Variants in MICU1 observed in about 807,000 individuals in gnomAD.
MICU1 encodes calcium uptake protein 1, mitochondrial.
MICU1 carries 45 observed loss-of-function variants against 56.8 expected under a neutral mutation model. That is an observed-to-expected ratio of 0.79 (90% CI 0.62 to 1.02). The LOEUF (loss-of-function observed/expected upper bound fraction) is 1.02. MICU1 is among the 50% of genes least tolerant of loss of function. The pLI is 0.00. For missense variants in MICU1, 504 were observed against 587.1 expected, an observed-to-expected ratio of 0.86 and a Z score of 1.46; for synonymous variants, 186 against 195.1, an observed-to-expected ratio of 0.95 and a Z score of 0.39.
chr10:72,462,949 A>G (rs562039964), intron 8 of MICU1, among the ~76,000 whole-genome samples: 22 of 152,358 alleles, frequency 1.4e-4, no homozygotes, highest in Admixed American at 1.4e-3. Context: ...ATATCTGATA[A>G]CAGGAAAATC....
intron 1 of MICU1, among the ~76,000 whole-genome samples, chr10:72,575,765 C>T (rs1242286961): frequency 2.0e-5 from 3 of 152,154 alleles, no homozygotes; most frequent in Non-Finnish European, 2.9e-5. Flanking sequence ...TTCACTCACC[C>T]GTCATTTCCC....
At chr10:72,546,469 ATTTTCTGTCCATCACTTACCT>A (rs1203653436) in intron 4 of MICU1, among the ~76,000 whole-genome samples, 11 of 151,860 alleles carry the variant, frequency 7.2e-5, no homozygotes, top group Non-Finnish European at 8.8e-5. Flanking sequence ...TCTTACTTCC[ATTTTCTGTCCATCACTTACCT>A]TTTTCTGTCC....
intron 6 of MICU1, among the ~76,000 whole-genome samples, chr10:72,494,332 T>G (rs1866764939): frequency 6.6e-6 from 1 of 152,206 alleles, no homozygotes; most frequent in South Asian, 2.1e-4. Context: ...GCAGTTAAGC[T>G]GCAGTTTCTG....
intron 4 of MICU1, among the ~76,000 whole-genome samples, chr10:72,537,632 G>C (rs1015462118): frequency 3.3e-5 from 5 of 152,130 alleles, no homozygotes; most frequent in African/African-American, 1.2e-4. Flanking sequence ...AGAAAGCCAA[G>C]GCTCAGAAGG....
rs1212041142 is a variant in MICU1, at chr10:72,557,949, TC to T, written c.330+4945del. Among the ~76,000 whole-genome samples the T allele has an allele frequency of 2.6e-5, 4 of 152,196 alleles. No individual in the cohort carries two copies. The East Asian group carries it at 7.7e-4, about 29-fold the overall frequency. ...ATCTTTTAATATTCGTGTTTTCCTA[TC>T]AATCAGTTTAAAATTACAACAAATT... On this transcript the variant is annotated intron_variant, in intron 3 of 11. Transcript: ENST00000361114.
At chr10:72,573,847 TC>T (rs1314785908) in intron 1 of MICU1, among the ~76,000 whole-genome samples, 2 of 152,152 alleles carry the variant, frequency 1.3e-5, no homozygotes, top group East Asian at 1.9e-4. Flanking sequence ...GTCTCAACAA[TC>T]AAGGCACATT....
chr10:72,585,188 G>A (rs188900700), intron 1 of MICU1, among the ~76,000 whole-genome samples: 9 of 151,316 alleles, frequency 5.9e-5, no homozygotes, highest in East Asian at 5.9e-4. Flanking sequence ...CCCGGTTCAA[G>A]CGATTCTCAC....
intron 6 of MICU1, among the ~76,000 whole-genome samples, chr10:72,491,178 G>A (rs765604792): frequency 2.0e-5 from 3 of 152,210 alleles, no homozygotes; most frequent in Admixed American, 1.3e-4. Flanking sequence ...TGGGTGCTGA[G>A]ACAAGTTGGA....
chr10:72,480,876 T>A (rs114306496), intron 6 of MICU1, among the ~76,000 whole-genome samples: 57 of 152,360 alleles, frequency 3.7e-4, no homozygotes, highest in African/African-American at 1.3e-3. Context: ...TATCACCTCC[T>A]ACAACTAAGG....
At chr10:72,513,444 A>G (rs768431200) in intron 5 of MICU1, among the ~76,000 whole-genome samples, 3 of 152,178 alleles carry the variant, frequency 2.0e-5, no homozygotes, top group Admixed American at 6.5e-5. Context: ...AGTTCTTTAT[A>G]TATTCTGGAT....
chr10:72,401,993 TA>T (rs113287469), intron 10 of MICU1, among the ~76,000 whole-genome samples: 2 of 151,190 alleles, frequency 1.3e-5, no homozygotes, highest in African/African-American at 2.4e-5. Context: ...AGGAATCCGC[TA>T]AAAAAAAATT....
intron 4 of MICU1, among the ~76,000 whole-genome samples, chr10:72,540,491 C>G (rs1030660907): frequency 1.3e-5 from 2 of 151,662 alleles, no homozygotes; most frequent in Non-Finnish European, 2.9e-5. Flanking sequence ...CTGGGAAACA[C>G]AGTGAGACAC....
chr10:72,461,333 A>C (rs1865632485), intron 8 of MICU1, among the ~76,000 whole-genome samples: 1 of 152,188 alleles, frequency 6.6e-6, no homozygotes, highest in East Asian at 1.9e-4. Context: ...TGTAACAAAG[A>C]GCAAATGAAA....
intron 5 of MICU1, among the ~76,000 whole-genome samples, chr10:72,523,130 G>T (rs1001809347): frequency 3.9e-5 from 6 of 152,082 alleles, no homozygotes; most frequent in African/African-American, 1.4e-4. Context: ...TTCCTAATTA[G>T]TAAGGACACC....
At chr10:72,512,105 T>G (rs1218735472) in intron 5 of MICU1, among the ~76,000 whole-genome samples, 5 of 22,506 alleles carry the variant, frequency 2.2e-4, no homozygotes, top group Non-Finnish European at 8.6e-4. Flanking sequence ...CAGTTGTTTT[T>G]TGTTTTTTTT....
chr10:72,594,509 A>C (rs1841317529), intron 1 of MICU1, among the ~76,000 whole-genome samples: 1 of 152,176 alleles, frequency 6.6e-6, no homozygotes, highest in African/African-American at 2.4e-5. Flanking sequence ...ATTTCTTTGG[A>C]TATGATTCCA....
intron 6 of MICU1, among the ~76,000 whole-genome samples, chr10:72,482,787 G>C (rs1330934049): frequency 6.6e-6 from 1 of 150,604 alleles, no homozygotes. Flanking sequence ...CCTCGTCTGG[G>C]GGGTACTTTA....
At chr10:72,586,171 A>G in intron 1 of MICU1, among the ~76,000 whole-genome samples, 1 of 150,266 alleles carries the variant, frequency 6.7e-6, no homozygotes, top group East Asian at 2.0e-4. Context: ...ACACCACCAC[A>G]CCCAGCTAAT....
intron 8 of MICU1, among the ~76,000 whole-genome samples, chr10:72,448,793 A>C (rs966271316): frequency 2.2e-4 from 33 of 152,212 alleles, no homozygotes; most frequent in African/African-American, 8.0e-4. Context: ...TAAGAACAGG[A>C]AAACCATGAA....
Sources: gnomAD v4.1 joint callset for allele counts (sites outside exome capture counted in the v4.1 genomes callset) on GRCh38, gnomAD v4.1.1 for gene constraint, MANE v1.5 for transcripts, NCBI Gene and HGNC (gene_info 2026-07-23, HGNC 2026-07-21) for gene names.